MYO3B: variants seen among roughly 807,000 people sequenced by gnomAD.
MYO3B encodes the protein myosin IIIB, also known as myosin-IIIb.
In MYO3B, 156 loss-of-function variants were observed where a neutral mutation model predicts 174.6. The observed-to-expected ratio is 0.89, with a 90% CI of 0.78 to 1.02. MYO3B has a LOEUF of 1.02. MYO3B is among the 50% of genes least tolerant of loss of function. The pLI is 0.00. For synonymous variants in MYO3B, 563 were observed against 569.1 expected (o/e 0.99, Z 0.15); for missense variants, 1,632 against 1,639.4 (o/e 1.00, Z 0.08).
At chr2:170,289,453 T>C (rs908427185) in intron 7 of MYO3B, among the ~76,000 whole-genome samples, 1 of 152,082 alleles carries the variant, frequency 6.6e-6, no homozygotes, top group African/African-American at 2.4e-5. Flanking sequence ...GTTCTATGAT[T>C]CCGGGAGTTT....
chr2:170,183,995 C>T (rs1042418764), intron 1 of MYO3B, among the ~76,000 whole-genome samples: 4 of 151,512 alleles, frequency 2.6e-5, no homozygotes, highest in Non-Finnish European at 2.9e-5. Context: ...CCTAATGTTG[C>T]ATTATCTTTG....
At chr2:170,557,294 C>T (rs1039818054) in intron 32 of MYO3B, among the ~76,000 whole-genome samples, 11 of 152,052 alleles carry the variant, frequency 7.2e-5, no homozygotes, top group African/African-American at 1.4e-4. Flanking sequence ...CGCCCACCAC[C>T]ATGCCCAGCT....
rs369067324 is a variant in MYO3B at position 170,199,416 on chromosome 2, C to T, written c.186+25C>T. On this transcript the variant is annotated intron_variant, in intron 2 of 34. Transcript: ENST00000408978. ...TGTAAGTAACAGTTGTAAATTATAA[C>T]CAGAATTTGGTGTTTTATGCACACT... is the stretch of plus-strand genomic sequence containing the variant. The T allele has an allele frequency of 1.5e-4, 239 of 1,543,318 alleles. 3 individuals are homozygous for T. In the East Asian group the frequency reaches 4.7e-3, roughly 30 times the overall value.
At chr2:170,192,215 CT>C (rs2092548897) in intron 1 of MYO3B, among the ~76,000 whole-genome samples, 1 of 151,700 alleles carries the variant, frequency 6.6e-6, no homozygotes, top group Non-Finnish European at 1.5e-5. Flanking sequence ...GAGCCTGTGG[CT>C]TTTTGAGGGC....
intron 12 of MYO3B, 147 bp downstream of exon 12, chr2:170,383,961 G>T (rs1307852861): frequency 4.8e-6 from 3 of 625,000 alleles, no homozygotes; most frequent in Non-Finnish European, 8.6e-6. Flanking sequence ...CAGCTCTGTG[G>T]AACTTGAGCA....
rs140931263 is a variant in MYO3B, at chr2:170,352,106, C to A, written c.815+16656C>A. ...TAGCTGGGGTTGCAGGTGCATGCCA[C>A]AACACCTGGCTGATTTTTGTATTTT... On this transcript the variant is annotated intron_variant, in intron 8 of 34. Transcript: ENST00000408978. Among the ~76,000 whole-genome samples, 714 of 152,314 alleles carry A rather than the reference C, an allele frequency of 4.7e-3. 6 individuals are homozygous for A. The highest frequency in any genetic ancestry group is 0.02 in the South Asian group (98 of 4,824).
intron 7 of MYO3B, among the ~76,000 whole-genome samples, chr2:170,283,640 A>G (rs1192363555): frequency 2.0e-5 from 3 of 152,158 alleles, no homozygotes; most frequent in African/African-American, 4.8e-5. Context: ...TCCTGAAACC[A>G]GCTGCTGTAA....
intron 23 of MYO3B, among the ~76,000 whole-genome samples, chr2:170,456,262 T>C (rs1683904399): frequency 6.6e-6 from 1 of 152,064 alleles, no homozygotes; most frequent in Non-Finnish European, 1.5e-5. Flanking sequence ...AAACAAACAG[T>C]GGTTTGGGAC....
intron 9 of MYO3B, among the ~76,000 whole-genome samples, chr2:170,371,790 A>C (rs932428584): frequency 1.8e-4 from 28 of 151,740 alleles, no homozygotes; most frequent in African/African-American, 6.8e-4. Flanking sequence ...CCCGGCAGGC[A>C]GTGCAATGTG....
intron 7 of MYO3B, among the ~76,000 whole-genome samples, chr2:170,292,567 G>A (rs1295571957): frequency 2.0e-5 from 3 of 151,840 alleles, no homozygotes; most frequent in East Asian, 1.9e-4. Context: ...AGATATATTT[G>A]CTTAGTATAT....
chr2:170,191,976 C>T lies in MYO3B; in HGVS notation c.3-7232C>T, dbSNP rs935261368. ...ATTTAGTATTTTTATACAGGTATTC[C>T]GAAGTGAGGTTGATTGCAGTTTTAT... On this transcript the variant is annotated intron_variant, in intron 1 of 34. Transcript: ENST00000408978. Among the ~76,000 whole-genome samples, 13 of 152,126 alleles carry T rather than the reference C, an allele frequency of 8.5e-5. No individual in the cohort carries two copies. In the East Asian group the frequency reaches 1.2e-3, roughly 14 times the overall value.
At chr2:170,239,716 T>G (rs2093109822) in intron 7 of MYO3B, among the ~76,000 whole-genome samples, 1 of 152,240 alleles carries the variant, frequency 6.6e-6, no homozygotes, top group Admixed American at 6.5e-5. Flanking sequence ...GGACAGCTCA[T>G]GATCATCACC....
At position 170,616,142 on chromosome 2, in the gene MYO3B, C is replaced by T. The variant is rs528055455; in HGVS notation, c.3734-35486C>T. On this transcript the variant is annotated intron_variant, in intron 32 of 34. Transcript: ENST00000408978. ...TTACAAACAATCCATGGAAACAGGA[C>T]GTGAAGCTAGACAACCGGTTAGACC... Among the ~76,000 whole-genome samples the T allele has an allele frequency of 4.9e-4, 75 of 152,196 alleles. No homozygotes were observed. In the Middle Eastern group the frequency reaches 0.014, roughly 28 times the overall value.
intron 32 of MYO3B, among the ~76,000 whole-genome samples, chr2:170,639,997 T>G (rs1405421571): frequency 6.6e-6 from 1 of 152,172 alleles, no homozygotes; most frequent in Non-Finnish European, 1.5e-5. Context: ...AGAATTCCTT[T>G]TGTCCAGTGA....
Position 170,222,636 on chromosome 2 carries a change from G to A in MYO3B, c.603+5241G>A, listed in dbSNP as rs574036817. Among the ~76,000 whole-genome samples, 6 of 152,184 alleles carry A rather than the reference G, an allele frequency of 3.9e-5. No individual in the cohort carries two copies. In the South Asian group the frequency reaches 8.3e-4, roughly 21 times the overall value. ...GACTTCTTATAAGAACACCAGTCCC[G>A]TCGGATTAGAGGCCCACCCTACTCC... On this transcript the variant is annotated intron_variant, in intron 6 of 34. Transcript: ENST00000408978.
In MYO3B at chr2:170,392,488, C is replaced by A; in HGVS notation, c.1784C>A (p.Thr595Lys). 1.3e-6 allele frequency: 2 copies of A among 1,543,718 alleles called. No homozygotes were observed. The highest frequency in any genetic ancestry group is 1.8e-6 in the Non-Finnish European group (2 of 1,135,836). Residue 595 changes from threonine (T) to lysine (K), a missense_variant, in exon 16 of 35, where the codon ACG becomes AAG. Physicochemically the swap from Thr to Lys is moderately conservative, Grantham distance 78 (BLOSUM62 -1). Transcript: ENST00000408978. ...CATTGCTTCAGGATTATAGGGTTCA[C>A]GGACAAAGTAAGTGATGATCAAGAG... is the stretch of plus-strand genomic sequence containing the variant. Reference protein sequence around the residue: ...IQHCFRIIGFTDKEVHSVYRI... With the variant: ...IQHCFRIIGFKDKEVHSVYRI...
At chr2:170,471,717 C>T (rs374134661) in intron 25 of MYO3B, among the ~76,000 whole-genome samples, 2 of 152,064 alleles carry the variant, frequency 1.3e-5, no homozygotes, top group African/African-American at 4.8e-5. Flanking sequence ...CAGGCCGGGG[C>T]GCAGTGGCTC....
At chr2:170,545,826 G>A (rs988137470) in intron 32 of MYO3B, among the ~76,000 whole-genome samples, 4 of 151,990 alleles carry the variant, frequency 2.6e-5, no homozygotes, top group Non-Finnish European at 5.9e-5. Context: ...TATTTTTCCT[G>A]CCTCCATTCT....
chr2:170,461,681 CAGG>C (rs1008031889), intron 23 of MYO3B, among the ~76,000 whole-genome samples: 11 of 151,308 alleles, frequency 7.3e-5, no homozygotes, highest in Admixed American at 6.6e-4. Flanking sequence ...GAGGCCGAGG[CAGG>C]AGAATTGCTT....
Sources: gnomAD v4.1 joint callset for allele counts (sites outside exome capture counted in the v4.1 genomes callset) on GRCh38, gnomAD v4.1.1 for gene constraint, MANE v1.5 for transcripts, NCBI Gene and HGNC (gene_info 2026-07-23, HGNC 2026-07-21) for gene names.